ABL1: variants seen among roughly 807,000 people sequenced by gnomAD.
The protein encoded by ABL1 is ABL proto-oncogene 1, non-receptor tyrosine kinase, also known as tyrosine-protein kinase ABL1.
Under a neutral mutation model 94.7 loss-of-function variants are expected in ABL1, and 11 were observed. The observed-to-expected ratio is 0.12, with a 90% CI of 0.07 to 0.19. The LOEUF (loss-of-function observed/expected upper bound fraction) is 0.19, where lower values mean the gene tolerates loss of function less well. ABL1 is among the 10% of genes least tolerant of loss of function. The pLI is 1.00. For missense variants in ABL1, 1,082 were observed against 1,489.4 expected (o/e 0.73, Z 4.50); for synonymous variants, 656 against 622.4 (o/e 1.05, Z -0.80).
At chr9:130,788,793 A>G (rs1238671185) in intron 1 of ABL1, among the ~76,000 whole-genome samples, 1 of 152,200 alleles carries the variant, frequency 6.6e-6, no homozygotes, top group Non-Finnish European at 1.5e-5. Flanking sequence ...TATTAGATTC[A>G]AGTTACACAT....
At position 130,885,687 on chromosome 9, in the gene ABL1, CAGTCAGG is replaced by C. The variant is rs1564325073; in HGVS notation, c.*5_*11del. On this transcript the variant is annotated 3_prime_UTR_variant, in exon 11 of 11. Coordinates refer to ENST00000318560, the MANE Select transcript of ABL1 (RefSeq NM_005157.6). ...CAGTGACATAGTGCAGAGGTAGCAG[CAGTCAGG>C]GGTCAGGTGTCAGGCCCGTCGGAGC... is the stretch of plus-strand genomic sequence containing the variant. 1.1e-5 allele frequency: 17 copies of C among 1,605,778 alleles called. No homozygotes were observed. Among genetic ancestry groups the C allele is most frequent in the Non-Finnish European group, 1.4e-5 (17 of 1,175,336 alleles).
Position 130,835,771 on chromosome 9 carries a change from T to G in ABL1, c.79+246T>G, listed in dbSNP as rs117857000. On this transcript the variant is annotated intron_variant, in intron 1 of 10. Coordinates refer to ENST00000318560, the MANE Select transcript of ABL1 (RefSeq NM_005157.6). The surrounding 1 kb of genome is among the most constrained non-coding windows in gnomAD (Gnocchi z 4.6). ...TCTCTTTTTCTCTCTCTCTGTCTCT[T>G]TCTCTTTCTCGCGATGGCCCCTAGG... Among the ~76,000 whole-genome samples the G allele has an allele frequency of 2.4e-5, 3 of 126,908 alleles. No individual in the cohort carries two copies. The highest frequency in any genetic ancestry group is 5.5e-5 in the African/African-American group (2 of 36,206). 83.3% of individuals were successfully genotyped at this position (126,908 alleles called of 152,430 possible).
rs1463463920 is a variant in ABL1 at position 130,714,603 on chromosome 9, C to T, written c.136+148C>T. 5.5e-6 allele frequency: 6 copies of T among 1,092,836 alleles called. No individual in the cohort carries two copies. The African/African-American group carries it at 9.3e-5, about 17-fold the overall frequency. 67.7% of individuals were successfully genotyped at this position (1,092,836 alleles called of 1,614,324 possible). On this transcript the variant is annotated intron_variant, in intron 1 of 10. Coordinates refer to the ABL1 transcript ENST00000372348. Reference sequence around the variant, plus strand: ...TGTAGTTATCTCTTAGTGGAACTTTCTTTGTATAAGAAAAAGTTACTTCGT... The same window carrying T: ...TGTAGTTATCTCTTAGTGGAACTTTTTTTGTATAAGAAAAAGTTACTTCGT...
chr9:130,882,419 T>C (rs552690120), intron 10 of ABL1, among the ~76,000 whole-genome samples: 1 of 152,334 alleles, frequency 6.6e-6, no homozygotes, highest in East Asian at 1.9e-4. Flanking sequence ...TGGGTTCTGA[T>C]AAATGCATAC....
intron 1 of ABL1, among the ~76,000 whole-genome samples, chr9:130,744,752 G>A (rs1831863982): frequency 6.6e-6 from 1 of 150,732 alleles, no homozygotes; most frequent in South Asian, 2.1e-4. Flanking sequence ...AGCTACTGGG[G>A]AGGCTGAGGC....
intron 1 of ABL1, among the ~76,000 whole-genome samples, chr9:130,779,596 G>C (rs1829730281): frequency 6.6e-6 from 1 of 152,066 alleles, no homozygotes; most frequent in African/African-American, 2.4e-5. Context: ...GGAGGGGGAG[G>C]TTATAAATTT....
intron 1 of ABL1, among the ~76,000 whole-genome samples, chr9:130,714,784 A>G (rs1831416822): frequency 6.6e-6 from 1 of 152,174 alleles, no homozygotes; most frequent in Non-Finnish European, 1.5e-5. Flanking sequence ...CCCTGGTTCT[A>G]TGATTCTGCT....
intron 1 of ABL1, among the ~76,000 whole-genome samples, chr9:130,754,210 A>G (rs1438426800): frequency 7.4e-6 from 1 of 135,494 alleles, no homozygotes; most frequent in African/African-American, 2.8e-5. Flanking sequence ...CTGTCTCAGA[A>G]AAAAAAAAAA....
At chr9:130,799,471 C>T (rs1830026963) in intron 1 of ABL1, among the ~76,000 whole-genome samples, 1 of 152,064 alleles carries the variant, frequency 6.6e-6, no homozygotes, top group African/African-American at 2.4e-5. Context: ...GTAGACATAC[C>T]CTAGTCTAGG....
chr9:130,859,055 C>T (rs1045193061), intron 3 of ABL1, among the ~76,000 whole-genome samples: 2 of 152,098 alleles, frequency 1.3e-5, no homozygotes, highest in South Asian at 2.1e-4. Flanking sequence ...TCTGGGTACC[C>T]GGGGATTTGA....
intron 6 of ABL1, among the ~76,000 whole-genome samples, chr9:130,874,144 C>T (rs1450448937): frequency 6.6e-6 from 1 of 152,194 alleles, no homozygotes; most frequent in Non-Finnish European, 1.5e-5. Flanking sequence ...CAGCCATCAC[C>T]TCAAGCTGCT....
intron 1 of ABL1, among the ~76,000 whole-genome samples, chr9:130,817,746 CAT>C (rs1830307683): frequency 6.6e-6 from 1 of 152,178 alleles, no homozygotes; most frequent in Admixed American, 6.5e-5. Flanking sequence ...CTAACAGATC[CAT>C]ATGTGTCGCT....
rs533532473 is a variant in ABL1 at position 130,865,817 on chromosome 9, G to C, written c.822+2782G>C. 5.3e-5 allele frequency among the ~76,000 whole-genome samples: 8 copies of C among 150,188 alleles called. No homozygotes were observed. In the South Asian group the frequency reaches 1.3e-3, roughly 24 times the overall value. On this transcript the variant is annotated intron_variant, in intron 4 of 10. Coordinates refer to ENST00000318560, the MANE Select transcript of ABL1 (RefSeq NM_005157.6). ...AAATCATGGCAGTGGCTAACATTCA[G>C]CTTCATCGTGCCCTTGCTGTGTGCC...
intron 1 of ABL1, among the ~76,000 whole-genome samples, chr9:130,804,254 G>C (rs978869906): frequency 1.3e-5 from 2 of 151,832 alleles, no homozygotes; most frequent in African/African-American, 4.9e-5. Flanking sequence ...AGCTACCTGG[G>C]AGCCTGAGGC....
rs1831519070 is a variant in ABL1 at position 130,884,161 on chromosome 9, T to G, written c.1871T>G (p.Met624Arg). 6.2e-7 allele frequency: 1 copy of G among 1,613,024 alleles called. No individual in the cohort carries two copies. The highest frequency in any genetic ancestry group is 8.5e-7 in the Non-Finnish European group (1 of 1,179,914). The part of the protein sequence containing the change: ...PPKRSSSFRE[M>R]DGQPERRGAG... ...AAACGCAGCAGCTCCTTCCGGGAGA[T>G]GGACGGCCAGCCGGAGCGCAGAGGG... The change falls in exon 11 of 11, where the codon ATG becomes AGG. Residue 624 changes from methionine to arginine, a missense_variant. Physicochemically the swap from Met to Arg is moderately conservative, Grantham distance 91. Coordinates refer to ENST00000318560, the MANE Select transcript of ABL1 (RefSeq NM_005157.6). This position sits in a 1 kb window ranked among gnomAD's most constrained non-coding sequence, Gnocchi z 5.6.
intron 2 of ABL1, 67 bp downstream of exon 2, chr9:130,854,304 T>C: frequency 1.3e-6 from 2 of 1,547,792 alleles, no homozygotes; most frequent in Non-Finnish European, 1.8e-6. Context: ...CGGTTTGACC[T>C]ACCACCCTTT....
intron 1 of ABL1, among the ~76,000 whole-genome samples, chr9:130,794,284 G>C (rs1433982639): frequency 6.6e-6 from 1 of 152,098 alleles, no homozygotes; most frequent in Admixed American, 6.5e-5. Flanking sequence ...GTAACTGCCA[G>C]TAGGCAGTTT....
intron 1 of ABL1, among the ~76,000 whole-genome samples, chr9:130,735,966 T>A (rs1445116370): frequency 7.2e-6 from 1 of 139,664 alleles, no homozygotes; most frequent in Non-Finnish European, 1.6e-5. Context: ...TATATATTTT[T>A]TTTTTTTAAG....
intron 1 of ABL1, among the ~76,000 whole-genome samples, chr9:130,838,970 C>T (rs1244016423): frequency 2.0e-5 from 3 of 152,118 alleles, no homozygotes; most frequent in African/African-American, 7.2e-5. Context: ...ACTGCAGTGG[C>T]ACAATCACAG....
Sources: allele counts gnomAD v4.1 joint callset (sites outside exome capture counted in the v4.1 genomes callset), GRCh38; gene constraint gnomAD v4.1.1; non-coding constraint Gnocchi (gnomAD v3.1); transcripts MANE v1.5; gene names NCBI Gene and HGNC (gene_info 2026-07-23, HGNC 2026-07-21).